The following MTX2 variants were observed in gnomAD, a reference collection of about 807,000 sequenced individuals.
MTX2 encodes the protein metaxin 2.
MTX2 carries 35 observed loss-of-function variants against 42.3 expected under a neutral mutation model. That is an observed-to-expected ratio of 0.83 (90% CI 0.63 to 1.10). The LOEUF is 1.10. Ranked by LOEUF, MTX2 falls within the 50% of genes least tolerant of loss-of-function variation. The pLI, the probability that MTX2 is intolerant of heterozygous loss-of-function variation, is 0.00. For synonymous variants in MTX2, 119 were observed against 100.9 expected, an observed-to-expected ratio of 1.18 and a Z score of -1.08; for missense variants, 307 against 304.1, an observed-to-expected ratio of 1.01 and a Z score of -0.07.
In MTX2 at chr2:176,337,711, C is replaced by G; in HGVS notation, c.*47C>G. On this transcript the variant is annotated 3_prime_UTR_variant, in exon 10 of 10. Transcript: ENST00000249442. Reference sequence around the variant, plus strand: ...GTCTTAACTTTTGAAATATGTTTTACTTGAATGTTACATTAGATATTGGTG... The same window carrying G: ...GTCTTAACTTTTGAAATATGTTTTAGTTGAATGTTACATTAGATATTGGTG... The G allele has an allele frequency of 6.9e-7, 1 of 1,458,058 alleles. No individual in the cohort carries two copies. Among genetic ancestry groups the G allele is most frequent in the Non-Finnish European group, 9.1e-7 (1 of 1,094,186 alleles). 90.3% of individuals were successfully genotyped at this position (1,458,058 alleles called of 1,614,324 possible). A position where few individuals can be genotyped will look rare whatever the true frequency, so the allele number is the denominator to read the frequency against.
Position 176,299,998 on chromosome 2 carries a change from C to T in MTX2, c.135+2103C>T, listed in dbSNP as rs571288162. On this transcript the variant is annotated intron_variant, in intron 3 of 9. Coordinates refer to ENST00000249442, the MANE Select transcript of MTX2 (RefSeq NM_006554.5). ...TCAGTTTAAAAATAATTTTTTTTTC[C>T]TGTAGCTATTTCCCCTTAGATTTGC... Among the ~76,000 whole-genome samples, 5 of 151,544 alleles carry T rather than the reference C, an allele frequency of 3.3e-5. No homozygotes were observed. The South Asian group carries it at 8.3e-4, about 25-fold the overall frequency.
intron 1 of MTX2, among the ~76,000 whole-genome samples, chr2:176,286,069 G>A (rs921950238): frequency 2.0e-5 from 3 of 152,150 alleles, no homozygotes; most frequent in African/African-American, 7.2e-5. Context: ...TATTGGGTGT[G>A]AAGTGGCATC....
intron 1 of MTX2, among the ~76,000 whole-genome samples, chr2:176,281,562 C>T (rs879375013): frequency 2.0e-5 from 3 of 152,112 alleles, no homozygotes; most frequent in Admixed American, 6.6e-5. Flanking sequence ...TCTCAATTGT[C>T]CTGCAGCATC....
At chr2:176,331,297 A>G (rs1684857627) in intron 9 of MTX2, among the ~76,000 whole-genome samples, 1 of 151,148 alleles carries the variant, frequency 6.6e-6, no homozygotes, top group African/African-American at 2.4e-5. Flanking sequence ...AAAAAATTAC[A>G]ATTTTAATAT....
intron 3 of MTX2, among the ~76,000 whole-genome samples, chr2:176,311,955 A>T (rs1486263579): frequency 6.6e-6 from 1 of 152,198 alleles, no homozygotes; most frequent in Non-Finnish European, 1.5e-5. Flanking sequence ...CCTCAGCTGG[A>T]AATGCAGAAA....
chr2:176,335,704 G>A (rs927101939), intron 9 of MTX2, among the ~76,000 whole-genome samples: 2 of 152,084 alleles, frequency 1.3e-5, no homozygotes, highest in Admixed American at 1.3e-4. Context: ...TGAACAGCTG[G>A]TTGGATAGTG....
rs867282807 is a variant in MTX2 at position 176,293,797 on chromosome 2, A to T, written c.41-3063A>T. ...TCTTTACAACAGTGCCAACAGCCTA[A>T]CAGAATCATGTAGGTGATGCACTTA... On this transcript the variant is annotated intron_variant, in intron 1 of 9. Transcript: ENST00000249442. 1.6e-4 allele frequency among the ~76,000 whole-genome samples: 25 copies of T among 152,292 alleles called. No individual in the cohort carries two copies. The Middle Eastern group carries it at 0.017, about 104-fold the overall frequency.
At chr2:176,298,888 A>G (rs1237142496) in intron 3 of MTX2, among the ~76,000 whole-genome samples, 1 of 152,180 alleles carries the variant, frequency 6.6e-6, no homozygotes, top group Non-Finnish European at 1.5e-5. Context: ...GGCAAAAGCT[A>G]TAGAACATTT....
intron 3 of MTX2, among the ~76,000 whole-genome samples, chr2:176,301,783 C>T (rs1227060416): frequency 2.0e-5 from 3 of 152,054 alleles, no homozygotes; most frequent in African/African-American, 4.8e-5. Flanking sequence ...TAATAGTTTA[C>T]ATTAAGGAGT....
At chr2:176,303,371 C>T (rs1218182699) in intron 3 of MTX2, among the ~76,000 whole-genome samples, 1 of 151,998 alleles carries the variant, frequency 6.6e-6, no homozygotes. Flanking sequence ...GAAAGGAAAG[C>T]TAAGGGATAA....
intron 1 of MTX2, among the ~76,000 whole-genome samples, chr2:176,280,774 A>G (rs897585615): frequency 2.6e-5 from 4 of 152,218 alleles, no homozygotes; most frequent in African/African-American, 7.2e-5. Flanking sequence ...TAATATATAA[A>G]TGTTATAGAT....
Position 176,323,460 on chromosome 2 carries a change from A to G in MTX2, c.204A>G (p.Pro68=). 6.2e-7 allele frequency: 1 copy of G among 1,609,450 alleles called. No individual in the cohort carries two copies. The highest frequency in any genetic ancestry group is 8.5e-7 in the Non-Finnish European group (1 of 1,176,984). The change falls in exon 4 of 10, where the codon CCA becomes CCG. Residue 68 remains proline (P), a synonymous_variant. Coordinates refer to ENST00000249442, the MANE Select transcript of MTX2 (RefSeq NM_006554.5). Reference sequence around the variant, plus strand: ...GGGCAAATGCAGAATATATGTCTCCATCTGGTAAGTGTGTTTTTTTTTCTT... The same window carrying G: ...GGGCAAATGCAGAATATATGTCTCCGTCTGGTAAGTGTGTTTTTTTTTCTT... ...VCRANAEYMS[P]SGKVPFIHVG...
At chr2:176,325,667 G>C (rs1256013407) in intron 4 of MTX2, among the ~76,000 whole-genome samples, 1 of 151,694 alleles carries the variant, frequency 6.6e-6, no homozygotes, top group African/African-American at 2.4e-5. Context: ...CAGATCATTT[G>C]ATCTCAGGGG....
intron 1 of MTX2, among the ~76,000 whole-genome samples, chr2:176,272,353 A>G (rs1692836321): frequency 6.6e-6 from 1 of 152,180 alleles, no homozygotes; most frequent in Non-Finnish European, 1.5e-5. Context: ...TTGCACTGCA[A>G]GGTGACCACA....
chr2:176,331,599 T>C (rs1380063143), intron 9 of MTX2, among the ~76,000 whole-genome samples: 1 of 151,158 alleles, frequency 6.6e-6, no homozygotes, highest in African/African-American at 2.4e-5. Context: ...ACAAGTAATA[T>C]ATACATATAT....
intron 1 of MTX2, among the ~76,000 whole-genome samples, chr2:176,288,392 T>G (rs1403995684): frequency 6.6e-6 from 1 of 152,046 alleles, no homozygotes; most frequent in East Asian, 1.9e-4. Context: ...ATTTCCTTCC[T>G]TTCTTTGTGT....
intron 3 of MTX2, among the ~76,000 whole-genome samples, 186 bp from the exon 4 acceptor site, chr2:176,323,206 G>C (rs1276624168): frequency 1.3e-5 from 2 of 151,722 alleles, no homozygotes; most frequent in Admixed American, 1.3e-4. Flanking sequence ...AAATCATACT[G>C]ATTTTTAAGT....
In MTX2 at chr2:176,337,628, C is replaced by T. The variant is rs773268891; in HGVS notation, c.756C>T (p.His252=). Residue 252 remains histidine, a synonymous_variant, in exon 10 of 10, where the codon CAC becomes CAT. Transcript: ENST00000249442. Reference sequence around the variant, plus strand: ...CTTTCTGTAGGAGAATTGAACAGCACTATTTTGAAGATCGTGGTAAAGGCA... The same window carrying T: ...CTTTCTGTAGGAGAATTGAACAGCATTATTTTGAAGATCGTGGTAAAGGCA... ...LLAFCRRIEQ[H]YFEDRGKGRL... is the part of the protein sequence containing the mutation. 3 of 1,611,600 alleles carry T rather than the reference C, an allele frequency of 1.9e-6. No individual in the cohort carries two copies. In the East Asian group the frequency reaches 6.7e-5, roughly 36 times the overall value.
intron 9 of MTX2, among the ~76,000 whole-genome samples, chr2:176,331,310 C>A (rs151166411): frequency 0.01 from 1,525 of 151,112 alleles, 19 homozygotes; most frequent in Non-Finnish European, 0.017. Flanking sequence ...TTTAATATAT[C>A]AGAATCAGCT....
Sources: allele counts gnomAD v4.1 joint callset (sites outside exome capture counted in the v4.1 genomes callset), GRCh38; gene constraint gnomAD v4.1.1; transcripts MANE v1.5; gene names NCBI Gene and HGNC (gene_info 2026-07-23, HGNC 2026-07-21).